CEP85L: variants seen among roughly 807,000 people sequenced by gnomAD.
CEP85L encodes centrosomal protein of 85 kDa-like.
A neutral mutation model predicts 100.3 loss-of-function variants in CEP85L; 60 were observed. The ratio of observed to expected loss-of-function variants is 0.60; its 90% CI spans 0.49 to 0.74. The LOEUF is 0.74. CEP85L is among the 30% of genes least tolerant of loss of function. The probability of loss-of-function intolerance (pLI) is 0.00; values close to 1 mark genes in which losing one functional copy is unlikely to be tolerated. For missense variants in CEP85L, 973 were observed against 936.2 expected (o/e 1.04, Z -0.51); for synonymous variants, 319 against 322.7 (o/e 0.99, Z 0.12).
chr6:118,474,871 T>G (rs1220074341), intron 10 of CEP85L, among the ~76,000 whole-genome samples: 1 of 152,208 alleles, frequency 6.6e-6, no homozygotes, highest in Non-Finnish European at 1.5e-5. Context: ...ATTGGCCCTA[T>G]AGGCTAAATC....
At chr6:118,600,058 T>C (rs1020166891) in intron 2 of CEP85L, among the ~76,000 whole-genome samples, 47 of 150,728 alleles carry the variant, frequency 3.1e-4, no homozygotes, top group African/African-American at 1.1e-3. Flanking sequence ...TGTGTACATA[T>C]AGGAGTCCAC....
intron 1 of CEP85L, among the ~76,000 whole-genome samples, chr6:118,663,934 T>G (rs1776052744): frequency 6.6e-6 from 1 of 151,742 alleles, no homozygotes; most frequent in Non-Finnish European, 1.5e-5. Context: ...CCTTTTTTTT[T>G]TTTTTTCTGA....
In CEP85L at chr6:118,583,248, A is replaced by T. The variant is rs561077514; in HGVS notation, c.233-16932T>A. ...ACTCAGACTGCCATTACAGCACAGG[A>T]ACCCTGAGTGATTCTGGAAATTGAA... On this transcript the variant is annotated intron_variant, in intron 2 of 12. Transcript: ENST00000368491. 3.2e-4 allele frequency among the ~76,000 whole-genome samples: 48 copies of T among 152,250 alleles called. 1 individual carries two copies. Among genetic ancestry groups the T allele is most frequent in the Non-Finnish European group, 4.6e-4 (31 of 68,006 alleles).
At chr6:118,491,146 T>C (rs1429604665) in intron 6 of CEP85L, among the ~76,000 whole-genome samples, 1 of 150,746 alleles carries the variant, frequency 6.6e-6, no homozygotes, top group Non-Finnish European at 1.5e-5. Context: ...CTCGTTTACA[T>C]TCTCACCAAT....
intron 3 of CEP85L, among the ~76,000 whole-genome samples, chr6:118,534,905 A>G (rs1777500719): frequency 6.6e-6 from 1 of 152,104 alleles, no homozygotes; most frequent in Non-Finnish European, 1.5e-5. Flanking sequence ...CTGTAATCCC[A>G]GCTACTTGGG....
At chr6:118,501,148 T>G (rs1775274525) in intron 5 of CEP85L, among the ~76,000 whole-genome samples, 1 of 152,210 alleles carries the variant, frequency 6.6e-6, no homozygotes. Flanking sequence ...CTGCTTTCCC[T>G]CCTACTTTGA....
At chr6:118,589,949 G>A (rs866736705) in intron 2 of CEP85L, among the ~76,000 whole-genome samples, 2 of 152,208 alleles carry the variant, frequency 1.3e-5, no homozygotes, top group South Asian at 2.1e-4. Flanking sequence ...AGTATTGTCA[G>A]GTATTCTCTG....
intron 5 of CEP85L, chr6:118,501,905 C>A (rs1775330166): frequency 2.6e-6 from 3 of 1,149,360 alleles, no homozygotes; most frequent in African/African-American, 1.6e-5. Context: ...CAAAGATATG[C>A]TTTTAAGTTT....
At chr6:118,482,234 C>G (rs576903327) in intron 7 of CEP85L, among the ~76,000 whole-genome samples, 2 of 152,212 alleles carry the variant, frequency 1.3e-5, no homozygotes, top group South Asian at 2.1e-4. Flanking sequence ...TAACTCTATA[C>G]TGTCTTAACA....
Position 118,682,771 on chromosome 6 carries a change from GCACACACACACA to G in CEP85L, c.-28+27253_-28+27264del, listed in dbSNP as rs201043236. On this transcript the variant is annotated intron_variant, in intron 1 of 13. Coordinates refer to the CEP85L transcript ENST00000368488. Reference sequence around the variant, plus strand: ...GAAATATGCATGCATGCCTGAGCATGCACACACACACACACACACACACACACACACACACAC... The same window carrying G: ...GAAATATGCATGCATGCCTGAGCATGCACACACACACACACACACACACAC... Among the ~76,000 whole-genome samples the G allele has an allele frequency of 1.6e-3, 219 of 138,250 alleles. 3 individuals carry two copies. The South Asian group carries it at 0.017, about 11-fold the overall frequency. The allele number at this position is 138,250 out of a possible 152,430, so 90.7% of individuals were successfully genotyped here.
At chr6:118,699,058 A>G (rs747378461) in intron 1 of CEP85L, among the ~76,000 whole-genome samples, 5 of 152,314 alleles carry the variant, frequency 3.3e-5, no homozygotes, top group South Asian at 4.1e-4. Context: ...ATTTGTGTTC[A>G]GCGCAGTGGA....
At position 118,501,826 on chromosome 6, in the gene CEP85L, G is replaced by A. The variant is rs555676131; in HGVS notation, c.1257+9472C>T. On this transcript the variant is annotated intron_variant, in intron 5 of 12. Coordinates refer to ENST00000368491, the MANE Select transcript of CEP85L (RefSeq NM_001042475.3). ...CTGCTGGCTGAGAGAGAGAGAGAGAGAGAGAGGACTCTGGAGATGCCGAAG... is the reference window on the plus strand; with the variant it reads ...CTGCTGGCTGAGAGAGAGAGAGAGAAAGAGAGGACTCTGGAGATGCCGAAG... 6.2e-6 allele frequency: 8 copies of A among 1,292,696 alleles called. No homozygotes were observed. In the African/African-American group the frequency reaches 1.2e-4, roughly 19 times the overall value. 80.1% of individuals were successfully genotyped at this position (1,292,696 alleles called of 1,614,324 possible).
intron 1 of CEP85L, among the ~76,000 whole-genome samples, chr6:118,668,873 T>C (rs1165044579): frequency 3.3e-5 from 5 of 152,226 alleles, no homozygotes; most frequent in African/African-American, 1.2e-4. Context: ...GTTTATTAAG[T>C]GTGGTCAGAT....
At chr6:118,691,099 C>G (rs1456197891) in intron 1 of CEP85L, among the ~76,000 whole-genome samples, 1 of 152,140 alleles carries the variant, frequency 6.6e-6, no homozygotes, top group Non-Finnish European at 1.5e-5. Flanking sequence ...AAAAGACAGA[C>G]AAGGAGTAAA....
At chr6:118,683,740 T>A (rs1026925566) in intron 1 of CEP85L, among the ~76,000 whole-genome samples, 3 of 152,182 alleles carry the variant, frequency 2.0e-5, no homozygotes, top group African/African-American at 7.2e-5. Context: ...AGGGCAGGAA[T>A]CAAAAACATG....
chr6:118,495,421 G>A (rs960739093), intron 5 of CEP85L, among the ~76,000 whole-genome samples: 9 of 152,084 alleles, frequency 5.9e-5, no homozygotes, highest in South Asian at 2.1e-4. Context: ...TACCGTTCTC[G>A]TGATAGCGGG....
chr6:118,561,111 A>G (rs1299881297), intron 3 of CEP85L, among the ~76,000 whole-genome samples: 1 of 152,152 alleles, frequency 6.6e-6, no homozygotes, highest in African/African-American at 2.4e-5. Context: ...GGGGAGTGGA[A>G]AGTGTTTGGT....
chr6:118,687,466 G>A (rs370326449), intron 1 of CEP85L, among the ~76,000 whole-genome samples: 1 of 152,172 alleles, frequency 6.6e-6, no homozygotes. Context: ...CTTTAAACAC[G>A]GGGCTTGCAA....
At chr6:118,573,957 T>A (rs1780063279) in intron 2 of CEP85L, 1 of 152,228 alleles carries the variant, frequency 6.6e-6, no homozygotes, top group African/African-American at 2.4e-5. Context: ...CAACCATTAA[T>A]AACAAACTAA....
Sources: gnomAD v4.1 joint callset for allele counts (sites outside exome capture counted in the v4.1 genomes callset) on GRCh38, gnomAD v4.1.1 for gene constraint, MANE v1.5 for transcripts, NCBI Gene and HGNC (gene_info 2026-07-23, HGNC 2026-07-21) for gene names.